The following DNAAF5 variants were observed in gnomAD, a reference collection of about 807,000 sequenced individuals.
The protein encoded by DNAAF5 is HEAT repeat containing 2.
DNAAF5 carries 64 observed loss-of-function variants against 75.8 expected under a neutral mutation model. The observed-to-expected ratio is 0.84, with a 90% CI of 0.69 to 1.04. The LOEUF is 1.04. Ranked by LOEUF, DNAAF5 falls within the 50% of genes least tolerant of loss-of-function variation. DNAAF5 has a pLI of 0.00. For missense variants in DNAAF5, 1,269 were observed against 1,178.5 expected (o/e 1.08, Z -1.12); for synonymous variants, 657 against 557.2 (o/e 1.18, Z -2.52).
Position 746,271 on chromosome 7 carries a change from G to GC in DNAAF5, c.1024+4814dup, listed in dbSNP as rs1246513922. On this transcript the variant is annotated intron_variant, in intron 4 of 12. Transcript: ENST00000297440. ...TCTGTGACGCTCTCCTTACTGTCTT[G>GC]CCCCCCCCTGCCCGCTGGGCCCAGG... Among the ~76,000 whole-genome samples the GC allele has an allele frequency of 2.8e-3, 290 of 103,876 alleles. 23 individuals carry two copies. The highest frequency in any genetic ancestry group is 7.2e-3 in the African/African-American group (181 of 25,168). 68.1% of individuals were successfully genotyped at this position (103,876 alleles called of 152,430 possible). A position where few individuals can be genotyped will look rare whatever the true frequency, so the allele number is the denominator to read the frequency against.
At chr7:736,339 G>A (rs1207767774) in intron 2 of DNAAF5, among the ~76,000 whole-genome samples, 1 of 152,178 alleles carries the variant, frequency 6.6e-6, no homozygotes, top group Non-Finnish European at 1.5e-5. Flanking sequence ...GTTGGAGTCT[G>A]TCTCTCTCTT....
In DNAAF5 at chr7:765,307, CA is replaced by C. The variant is rs202207608; in HGVS notation, c.1783+1334del. 3.8e-3 allele frequency among the ~76,000 whole-genome samples: 572 copies of C among 152,326 alleles called. 6 individuals carry two copies. The highest frequency in any genetic ancestry group is 9.2e-3 in the African/African-American group (382 of 41,580). ...GGCAGAGCACAGAGAACTCCCGAGGCAGCGACTCCAGAGCCTCCCTCAGCCC... is the reference window on the plus strand; with the variant it reads ...GGCAGAGCACAGAGAACTCCCGAGGCGCGACTCCAGAGCCTCCCTCAGCCC... On this transcript the variant is annotated intron_variant, in intron 8 of 12. Transcript: ENST00000297440.
At position 774,305 on chromosome 7, in the gene DNAAF5, C is replaced by T. The variant is rs1239893674; in HGVS notation, c.2082+107C>T. The T allele has an allele frequency of 1.4e-4, 172 of 1,200,392 alleles. 1 individual carries two copies. Among genetic ancestry groups the T allele is most frequent in the East Asian group, 1.3e-4 (5 of 38,284 alleles). 74.4% of individuals were successfully genotyped at this position (1,200,392 alleles called of 1,614,324 possible). A position where few individuals can be genotyped will look rare whatever the true frequency, so the allele number is the denominator to read the frequency against. On this transcript the variant is annotated intron_variant, in intron 10 of 12. Coordinates refer to ENST00000297440, the MANE Select transcript of DNAAF5 (RefSeq NM_017802.4). ...GGAACTTGGGCAGGCAGCAGCTGCA[C>T]CTCCACCTGGGGCCCGTACCCCAAG...
chr7:735,355 G>C (rs574651105), intron 2 of DNAAF5, among the ~76,000 whole-genome samples: 1 of 149,674 alleles, frequency 6.7e-6, no homozygotes, highest in African/African-American at 2.5e-5. Context: ...GCTGCTCATG[G>C]TGTCGTTGCT....
intron 5 of DNAAF5, among the ~76,000 whole-genome samples, chr7:756,040 G>A (rs1286719117): frequency 9.5e-6 from 1 of 105,166 alleles, no homozygotes; most frequent in African/African-American, 3.7e-5. Flanking sequence ...GGTGCAGAGG[G>A]GCTGGTGTAT....
chr7:756,444 T>C (rs1782487180), intron 5 of DNAAF5, among the ~76,000 whole-genome samples: 1 of 152,130 alleles, frequency 6.6e-6, no homozygotes, highest in South Asian at 2.1e-4. Flanking sequence ...ACAGAGGGGC[T>C]GGTGTGTATT....
intron 4 of DNAAF5, among the ~76,000 whole-genome samples, chr7:745,485 T>C (rs1351046058): frequency 2.0e-5 from 3 of 152,076 alleles, no homozygotes; most frequent in Non-Finnish European, 4.4e-5. Flanking sequence ...TGTGCACACA[T>C]GTACATGCAT....
rs1779129814 is a variant in DNAAF5, at chr7:785,849, T to C, written c.*196T>C. 1 of 612,606 alleles carries C rather than the reference T, an allele frequency of 1.6e-6. No individual in the cohort carries two copies. Among genetic ancestry groups the C allele is most frequent in the Non-Finnish European group, 2.7e-6 (1 of 366,794 alleles). 37.9% of individuals were successfully genotyped at this position (612,606 alleles called of 1,614,324 possible). ...ATTCTGCATGTTATGTGATTTGTTC[T>C]GTTCATCGAGAGGGCTCCCAAACAT... On this transcript the variant is annotated 3_prime_UTR_variant, in exon 13 of 13. Coordinates refer to ENST00000297440, the MANE Select transcript of DNAAF5 (RefSeq NM_017802.4).
chr7:758,263 A>C (rs1282160989), intron 6 of DNAAF5, among the ~76,000 whole-genome samples: 1 of 152,242 alleles, frequency 6.6e-6, no homozygotes, highest in Non-Finnish European at 1.5e-5. Context: ...ATAACTTGAA[A>C]ATGTGCACAG....
chr7:779,273 G>A lies in DNAAF5; in HGVS notation c.2240-680G>A, dbSNP rs966849713. The stretch of plus-strand genomic sequence containing the variant: ...CGCCCCTCCCAGCGTCGGGAAGATG[G>A]GCCTCATGCCAGGCATGGGCAGCTG... On this transcript the variant is annotated intron_variant, in intron 11 of 12. Coordinates refer to ENST00000297440, the MANE Select transcript of DNAAF5 (RefSeq NM_017802.4). Among the ~76,000 whole-genome samples, 3 of 152,202 alleles carry A rather than the reference G, an allele frequency of 2.0e-5. No homozygotes were observed. The East Asian group carries it at 5.8e-4, about 29-fold the overall frequency.
chr7:752,581 G>A (rs183452253), intron 4 of DNAAF5, among the ~76,000 whole-genome samples: 139 of 149,086 alleles, frequency 9.3e-4, no homozygotes, highest in Non-Finnish European at 1.0e-3. Flanking sequence ...CGAAGCCTTC[G>A]TGACCGCGGG....
At chr7:776,510 C>T (rs1474047999) in intron 11 of DNAAF5, among the ~76,000 whole-genome samples, 7 of 151,914 alleles carry the variant, frequency 4.6e-5, no homozygotes, top group Non-Finnish European at 8.8e-5. Flanking sequence ...TCCACGCGGC[C>T]GGGAAGGGGG....
At position 726,862 on chromosome 7, in the gene DNAAF5, C is replaced by T. The variant is rs887769888; in HGVS notation, c.142C>T (p.Arg48Cys). The change falls in exon 1 of 13, where the codon CGC (arginine) becomes TGC (cysteine). Residue 48 changes from arginine (R) to cysteine (C), a missense_variant. Physicochemically the swap from Arg to Cys is radical, Grantham distance 180 (BLOSUM62 -3). Transcript: ENST00000297440. Reference protein sequence around the residue: ...LEADSKPGRRRALEALRRALE... With the variant: ...LEADSKPGRRCALEALRRALE... ...GGCCGACAGCAAGCCGGGCCGGCGG[C>T]GCGCCTTGGAGGCCCTGCGGCGCGC... 24 of 1,316,186 alleles carry T rather than the reference C, an allele frequency of 1.8e-5. No individual in the cohort carries two copies. The highest frequency in any genetic ancestry group is 2.2e-5 in the Non-Finnish European group (23 of 1,035,926). The allele number at this position is 1,316,186 out of a possible 1,614,324, so 81.5% of individuals were successfully genotyped here. A position where few individuals can be genotyped will look rare whatever the true frequency, so the allele number is the denominator to read the frequency against.
chr7:746,278 C>G lies in DNAAF5; in HGVS notation c.1024+4813C>G, dbSNP rs551846032. Among the ~76,000 whole-genome samples the G allele has an allele frequency of 2.1e-5, 3 of 141,996 alleles. 1 individual carries two copies. The highest frequency in any genetic ancestry group is 2.1e-4 in the Admixed American group (3 of 14,274). The allele number at this position is 141,996 out of a possible 152,430, so 93.2% of individuals were successfully genotyped here. ...CGCTCTCCTTACTGTCTTGCCCCCC[C>G]CTGCCCGCTGGGCCCAGGCTCTGTG... On this transcript the variant is annotated intron_variant, in intron 4 of 12. Transcript: ENST00000297440.
intron 2 of DNAAF5, among the ~76,000 whole-genome samples, chr7:740,353 G>A (rs1330521061): frequency 6.6e-6 from 1 of 152,206 alleles, no homozygotes; most frequent in Admixed American, 6.5e-5. Context: ...TGGGCTCTGG[G>A]ACCAGACGCC....
At chr7:776,782 C>T (rs569841204) in intron 11 of DNAAF5, among the ~76,000 whole-genome samples, 62 of 152,326 alleles carry the variant, frequency 4.1e-4, no homozygotes, top group African/African-American at 1.4e-3. Flanking sequence ...ACAGGGCCCC[C>T]GCCACCCAGG....
intron 8 of DNAAF5, among the ~76,000 whole-genome samples, chr7:768,140 CG>C (rs200146067): frequency 2.0e-5 from 2 of 99,768 alleles, no homozygotes; most frequent in South Asian, 3.9e-4. Context: ...GTCCATGCTG[CG>C]AGCGCTCGCG....
chr7:769,799 C>G (rs994440511), intron 8 of DNAAF5, among the ~76,000 whole-genome samples: 1 of 152,070 alleles, frequency 6.6e-6, no homozygotes, highest in African/African-American at 2.4e-5. Context: ...ACCACCACGC[C>G]CAGCTAATTT....
At chr7:727,430 A>AC (rs1476764835) in intron 1 of DNAAF5, 115 bp downstream of exon 1, 2 of 352,260 alleles carry the variant, frequency 5.7e-6, no homozygotes, top group Admixed American at 1.0e-4. Context: ...CCACGCCCGC[A>AC]CCCCCCAACA....
Sources: allele counts gnomAD v4.1 joint callset (sites outside exome capture counted in the v4.1 genomes callset), GRCh38; gene constraint gnomAD v4.1.1; transcripts MANE v1.5; gene names NCBI Gene and HGNC (gene_info 2026-07-23, HGNC 2026-07-21).